TSHZ2: variants seen among roughly 807,000 people sequenced by gnomAD.
The protein encoded by TSHZ2 is teashirt homolog 2.
In TSHZ2, 21 loss-of-function variants were observed where a neutral mutation model predicts 74.4. That is an observed-to-expected ratio of 0.28 (90% CI 0.20 to 0.41). The LOEUF (loss-of-function observed/expected upper bound fraction) is 0.41, where lower values mean the gene tolerates loss of function less well. TSHZ2 is among the 10% of genes least tolerant of loss of function. The probability of loss-of-function intolerance (pLI) is 1.00; values close to 1 mark genes in which losing one functional copy is unlikely to be tolerated. For missense variants in TSHZ2, 1,244 were observed against 1,293.5 expected, an observed-to-expected ratio of 0.96 and a Z score of 0.59; for synonymous variants, 540 against 515.3, an observed-to-expected ratio of 1.05 and a Z score of -0.65.
intron 1 of TSHZ2, among the ~76,000 whole-genome samples, chr20:53,008,832 T>C (rs1011343251): frequency 6.6e-6 from 1 of 152,118 alleles, no homozygotes; most frequent in Non-Finnish European, 1.5e-5. Context: ...TCATACCAAG[T>C]CTTATACATA....
chr20:53,212,032 T>C (rs1338774300), intron 1 of TSHZ2, among the ~76,000 whole-genome samples: 1 of 152,166 alleles, frequency 6.6e-6, no homozygotes, highest in Non-Finnish European at 1.5e-5. Flanking sequence ...TAAGTTTCAA[T>C]CATATCGAAG....
At chr20:53,138,153 C>T (rs1344615738) in intron 1 of TSHZ2, among the ~76,000 whole-genome samples, 9 of 152,046 alleles carry the variant, frequency 5.9e-5, no homozygotes, top group Admixed American at 2.6e-4. Context: ...GAGGCCAAGG[C>T]GGGCAGATCA....
chr20:53,469,984 G>A (rs1356798500), intron 2 of TSHZ2, among the ~76,000 whole-genome samples: 2 of 152,144 alleles, frequency 1.3e-5, no homozygotes, highest in Non-Finnish European at 2.9e-5. Flanking sequence ...CTGTTAAAAT[G>A]TTTTCATTAA....
intron 1 of TSHZ2, among the ~76,000 whole-genome samples, chr20:53,117,802 GCT>G (rs1986711227): frequency 1.3e-5 from 2 of 152,202 alleles, no homozygotes; most frequent in Admixed American, 1.3e-4. Context: ...GTTCTAAGTA[GCT>G]CTCTGTTCCC....
chr20:53,155,427 C>T (rs972620195), intron 1 of TSHZ2, among the ~76,000 whole-genome samples: 4 of 151,924 alleles, frequency 2.6e-5, no homozygotes, highest in Non-Finnish European at 4.4e-5. Context: ...TATATATTCC[C>T]GCCTTTCCTC....
intron 1 of TSHZ2, among the ~76,000 whole-genome samples, chr20:52,999,248 C>T (rs1190700978): frequency 6.6e-6 from 1 of 152,156 alleles, no homozygotes; most frequent in African/African-American, 2.4e-5. Context: ...TTAAGCACAC[C>T]ACCTGGGTGC....
chr20:53,174,452 C>A (rs1988276687), intron 1 of TSHZ2, among the ~76,000 whole-genome samples: 1 of 152,202 alleles, frequency 6.6e-6, no homozygotes, highest in Non-Finnish European at 1.5e-5. Context: ...TAAGTTCCAG[C>A]ATTTTTAATT....
intron 2 of TSHZ2, among the ~76,000 whole-genome samples, chr20:53,349,996 G>T (rs1351767568): frequency 2.0e-5 from 3 of 152,114 alleles, no homozygotes; most frequent in Non-Finnish European, 4.4e-5. Flanking sequence ...TGGCTCAGGG[G>T]CCTCTTCCTT....
At chr20:53,009,969 T>C (rs1278779507) in intron 1 of TSHZ2, among the ~76,000 whole-genome samples, 1 of 152,220 alleles carries the variant, frequency 6.6e-6, no homozygotes, top group Non-Finnish European at 1.5e-5. Context: ...TCGGGGATGA[T>C]GTAAACTATA....
intron 2 of TSHZ2, among the ~76,000 whole-genome samples, chr20:53,280,673 T>C (rs1384697454): frequency 6.6e-6 from 1 of 150,852 alleles, no homozygotes; most frequent in African/African-American, 2.5e-5. Context: ...TTTTTGTTGT[T>C]GTTGTTGTTG....
At chr20:53,113,110 G>A (rs948116426) in intron 1 of TSHZ2, among the ~76,000 whole-genome samples, 2 of 152,186 alleles carry the variant, frequency 1.3e-5, no homozygotes, top group African/African-American at 4.8e-5. Context: ...TGCCATGGAG[G>A]CGGACTGCAG....
rs753806553 is a variant in TSHZ2 at position 53,254,124 on chromosome 20, G to T, written c.666G>T (p.Ala222=). The change falls in exon 2 of 3, where the codon GCG becomes GCT. Residue 222 remains alanine, a synonymous_variant. Coordinates refer to ENST00000371497, the MANE Select transcript of TSHZ2 (RefSeq NM_173485.6). ...ASRFRCRQCS[A]AYDTLVELTV... is the part of the protein sequence containing the mutation. ...GATTCCGATGCCGACAGTGCAGCGC[G>T]GCCTATGACACCCTAGTCGAGCTGA... 1.9e-6 allele frequency: 3 copies of T among 1,614,110 alleles called. No homozygotes were observed. The highest frequency in any genetic ancestry group is 2.2e-5 in the South Asian group (2 of 91,068).
At position 53,256,423 on chromosome 20, in the gene TSHZ2, GAC is replaced by G; in HGVS notation, c.2969_2970del (p.Thr990ArgfsTer3). 1 of 1,614,104 alleles carries G rather than the reference GAC, an allele frequency of 6.2e-7. No individual in the cohort carries two copies. The highest frequency in any genetic ancestry group is 8.5e-7 in the Non-Finnish European group (1 of 1,179,946). On this transcript the variant is annotated frameshift_variant, in exon 2 of 3. Coordinates refer to ENST00000371497, the MANE Select transcript of TSHZ2 (RefSeq NM_173485.6). LOFTEE classifies it high-confidence loss of function. The surrounding 1 kb of genome is among the most constrained non-coding windows in gnomAD (Gnocchi z 4.3). ...TCCAGAAACAATAGCTGCCGAAGAG[GAC>G]ACAGACTCTAAATTCAAGTGTAAGT... ...RSPETIAAEE[D>X]TDSKFKCKLC...
rs1981485801 is a variant in TSHZ2, at chr20:52,979,677, C to T, written c.40+6344C>T. 2.6e-5 allele frequency among the ~76,000 whole-genome samples: 4 copies of T among 152,262 alleles called. No individual in the cohort carries two copies. In the South Asian group the frequency reaches 8.3e-4, roughly 32 times the overall value. On this transcript the variant is annotated intron_variant, in intron 1 of 2. Transcript: ENST00000371497. Reference sequence around the variant, plus strand: ...TGGAATTTTCAGTTGTTGCCTCCCTCAATTTTTTACGTTTCCCCTGTAGAA... The same window carrying T: ...TGGAATTTTCAGTTGTTGCCTCCCTTAATTTTTTACGTTTCCCCTGTAGAA...
At position 53,256,530 on chromosome 20, in the gene TSHZ2, T is replaced by C; in HGVS notation, c.3072T>C (p.His1024=). The C allele has an allele frequency of 6.2e-7, 1 of 1,604,446 alleles. No homozygotes were observed. The highest frequency in any genetic ancestry group is 8.5e-7 in the Non-Finnish European group (1 of 1,173,518). Residue 1024 remains histidine (H), a synonymous_variant, in exon 2 of 3, where the codon CAT becomes CAC. Transcript: ENST00000371497. The surrounding 1 kb of genome is among the most constrained non-coding windows in gnomAD (Gnocchi z 4.3). ...CGCACAGCAAGTCACCCGAACACCA[T>C]TCACAGTTTGTAACAGACGTGGATG... ...SKTHSKSPEH[H]SQFVTDVDEE
rs11275894 is a variant in TSHZ2 at position 52,999,093 on chromosome 20, T to TACTCTTCACTGCCACATTCC, written c.40+25782_40+25801dup. Among the ~76,000 whole-genome samples the TACTCTTCACTGCCACATTCC allele has an allele frequency of 6.0e-3, 911 of 151,514 alleles. 14 individuals carry two copies. Among genetic ancestry groups the TACTCTTCACTGCCACATTCC allele is most frequent in the African/African-American group, 0.021 (857 of 40,972 alleles). On this transcript the variant is annotated intron_variant, in intron 1 of 2. Coordinates refer to ENST00000371497, the MANE Select transcript of TSHZ2 (RefSeq NM_173485.6). ...GATGGCAGAGCTGAAAACCACGTTC[T>TACTCTTCACTGCCACATTCC]ACTCTTCACTGCCACATTCCACTCT...
intron 1 of TSHZ2, among the ~76,000 whole-genome samples, chr20:53,213,648 G>C (rs1989365105): frequency 6.6e-6 from 1 of 151,712 alleles, no homozygotes; most frequent in African/African-American, 2.4e-5. Context: ...TCTTTCTTTG[G>C]TGACAACATT....
At chr20:52,984,890 G>A (rs925780642) in intron 1 of TSHZ2, among the ~76,000 whole-genome samples, 1 of 152,188 alleles carries the variant, frequency 6.6e-6, no homozygotes, top group African/African-American at 2.4e-5. Flanking sequence ...AGCTGTCCAG[G>A]AGAAATCAGA....
intron 1 of TSHZ2, among the ~76,000 whole-genome samples, chr20:53,191,639 G>A (rs1221667111): frequency 6.6e-6 from 1 of 152,174 alleles, no homozygotes; most frequent in South Asian, 2.1e-4. Flanking sequence ...CTCCAGCCTG[G>A]GTGACAGAGC....
Sources: allele counts gnomAD v4.1 joint callset (sites outside exome capture counted in the v4.1 genomes callset), GRCh38; gene constraint gnomAD v4.1.1; non-coding constraint Gnocchi (gnomAD v3.1); transcripts MANE v1.5; gene names NCBI Gene and HGNC (gene_info 2026-07-23, HGNC 2026-07-21).